The following CSMD1 variants were observed in gnomAD, a reference collection of about 807,000 sequenced individuals.
CSMD1 encodes CUB and sushi domain-containing protein 1.
CSMD1 carries 213 observed loss-of-function variants against 417.5 expected under a neutral mutation model. That is an observed-to-expected ratio of 0.51 (90% confidence interval 0.46 to 0.57). CSMD1 has a LOEUF of 0.57. Among genes scored for constraint, CSMD1 ranks in the 20% least tolerant of loss-of-function variants. CSMD1 has a pLI of 0.00. For missense variants in CSMD1, 6,923 were observed against 4,529.7 expected (o/e 1.53, Z -15.17); for synonymous variants, 2,862 against 1,736.8 (o/e 1.65, Z -16.11).
At chr8:4,152,398 G>A (rs1338906261) in intron 3 of CSMD1, among the ~76,000 whole-genome samples, 1 of 152,042 alleles carries the variant, frequency 6.6e-6, no homozygotes, top group East Asian at 1.9e-4. Context: ...CCTTACTTAG[G>A]CCAGGCACAG....
In CSMD1 at chr8:3,822,036, G is replaced by A. The variant is rs559146887; in HGVS notation, c.819-67994C>T. 8.5e-5 allele frequency among the ~76,000 whole-genome samples: 13 copies of A among 152,174 alleles called. No homozygotes were observed. The East Asian group carries it at 1.7e-3, about 20-fold the overall frequency. On this transcript the variant is annotated intron_variant, in intron 5 of 69. Transcript: ENST00000635120. ...ATCACAGTTCCTCAGAACACCATGC[G>A]GTCTGACATCTCTGCCTTTTGACCT...
chr8:3,160,904 A>G (rs1290796695), intron 38 of CSMD1, among the ~76,000 whole-genome samples: 1 of 152,212 alleles, frequency 6.6e-6, no homozygotes. Context: ...ATTCACTGCT[A>G]CACAATATTT....
intron 1 of CSMD1, among the ~76,000 whole-genome samples, chr8:4,646,283 T>A (rs907474557): frequency 6.6e-6 from 1 of 152,208 alleles, no homozygotes; most frequent in Non-Finnish European, 1.5e-5. Context: ...TATTTATTTA[T>A]CTCTTAATGA....
chr8:4,928,870 G>C (rs1025299088), intron 1 of CSMD1, among the ~76,000 whole-genome samples: 3 of 152,076 alleles, frequency 2.0e-5, no homozygotes, highest in Non-Finnish European at 4.4e-5. Context: ...GGGAGTTCGA[G>C]ACCAGCCTGC....
intron 3 of CSMD1, among the ~76,000 whole-genome samples, chr8:4,186,940 G>C (rs1290243787): frequency 6.6e-6 from 1 of 152,044 alleles, no homozygotes; most frequent in Non-Finnish European, 1.5e-5. Context: ...AGATTGCAGT[G>C]AGCTGCACTC....
At chr8:4,365,243 T>A (rs1199184825) in intron 3 of CSMD1, among the ~76,000 whole-genome samples, 2 of 152,206 alleles carry the variant, frequency 1.3e-5, no homozygotes, top group East Asian at 3.8e-4. Context: ...CTTAAGTAGT[T>A]TGGAATGTAA....
At chr8:3,050,914 G>A (rs1023155597) in intron 50 of CSMD1, among the ~76,000 whole-genome samples, 8 of 152,192 alleles carry the variant, frequency 5.3e-5, no homozygotes, top group South Asian at 2.1e-4. Context: ...TATCACTGGC[G>A]CAAAAATATC....
rs1194867937 is a variant in CSMD1 at position 4,217,061 on chromosome 8, G to A, written c.416-184962C>T. Reference sequence around the variant, plus strand: ...ATGCTAATGCATTAAATCAGGTAGTGTCCTGTGTCTGTTATACAATATAGT... The same window carrying A: ...ATGCTAATGCATTAAATCAGGTAGTATCCTGTGTCTGTTATACAATATAGT... On this transcript the variant is annotated intron_variant, in intron 3 of 69. Coordinates refer to ENST00000635120, the MANE Select transcript of CSMD1 (RefSeq NM_033225.6). Among the ~76,000 whole-genome samples the A allele has an allele frequency of 2.0e-5, 3 of 152,166 alleles. No homozygotes were observed. In the East Asian group the frequency reaches 5.8e-4, roughly 29 times the overall value.
intron 41 of CSMD1, among the ~76,000 whole-genome samples, chr8:3,139,256 G>A (rs570068480): frequency 6.6e-6 from 1 of 152,174 alleles, no homozygotes; most frequent in Non-Finnish European, 1.5e-5. Flanking sequence ...TTGAATCCAG[G>A]AGTTTGAATC....
intron 10 of CSMD1, among the ~76,000 whole-genome samples, chr8:3,540,794 C>A (rs999258577): frequency 6.6e-6 from 1 of 152,106 alleles, no homozygotes; most frequent in African/African-American, 2.4e-5. Context: ...CTCAACATCA[C>A]TGATAAGTAA....
intron 27 of CSMD1, among the ~76,000 whole-genome samples, chr8:3,227,044 G>C (rs1046303229): frequency 6.6e-6 from 1 of 152,074 alleles, no homozygotes; most frequent in Non-Finnish European, 1.5e-5. Context: ...GTGAGTCAGA[G>C]AAAACATTAA....
intron 7 of CSMD1, among the ~76,000 whole-genome samples, chr8:3,666,019 C>T (rs139846913): frequency 1.7e-4 from 26 of 152,196 alleles, no homozygotes; most frequent in African/African-American, 3.4e-4. Flanking sequence ...TCAGCCTCCA[C>T]GGAGTAGGTG....
At chr8:3,381,229 C>T (rs983914884) in intron 18 of CSMD1, among the ~76,000 whole-genome samples, 1 of 151,798 alleles carries the variant, frequency 6.6e-6, no homozygotes, top group Non-Finnish European at 1.5e-5. Context: ...AACAACTTGA[C>T]AAGCCCCATG....
intron 54 of CSMD1, among the ~76,000 whole-genome samples, chr8:2,989,639 T>A (rs1226575097): frequency 6.6e-6 from 1 of 152,252 alleles, no homozygotes; most frequent in Non-Finnish European, 1.5e-5. Flanking sequence ...TGGTATCTAG[T>A]GGACCAGAGA....
At chr8:3,721,676 G>C (rs542655428) in intron 6 of CSMD1, among the ~76,000 whole-genome samples, 2 of 152,114 alleles carry the variant, frequency 1.3e-5, no homozygotes, top group Non-Finnish European at 2.9e-5. Flanking sequence ...GGTTTTGGAA[G>C]AGCTTCTTTA....
intron 5 of CSMD1, among the ~76,000 whole-genome samples, chr8:3,757,971 A>C (rs1029528248): frequency 3.9e-5 from 6 of 152,110 alleles, no homozygotes; most frequent in African/African-American, 1.4e-4. Context: ...TCCTGCACAA[A>C]TTCCTTTTAT....
At chr8:4,317,634 A>T (rs1799012409) in intron 3 of CSMD1, among the ~76,000 whole-genome samples, 1 of 150,688 alleles carries the variant, frequency 6.6e-6, no homozygotes, top group South Asian at 2.1e-4. Flanking sequence ...AGAGAGAGAG[A>T]CAATTTTATT....
At position 3,277,414 on chromosome 8, in the gene CSMD1, A is replaced by AC. The variant is rs1230627072; in HGVS notation, c.4153+6729dup. On this transcript the variant is annotated intron_variant, in intron 26 of 69. Coordinates refer to ENST00000635120, the MANE Select transcript of CSMD1 (RefSeq NM_033225.6). The stretch of plus-strand genomic sequence containing the variant: ...CCGTGAGCAAGGCAGGGCAGCTCAG[A>AC]CCCCCAGCGGCGTAGACCAAGGCGG... Among the ~76,000 whole-genome samples the AC allele has an allele frequency of 3.3e-5, 5 of 152,188 alleles. No homozygotes were observed. The East Asian group carries it at 7.7e-4, about 24-fold the overall frequency.
chr8:4,843,782 T>C (rs1800973776), intron 1 of CSMD1, among the ~76,000 whole-genome samples: 2 of 152,176 alleles, frequency 1.3e-5, no homozygotes, highest in African/African-American at 2.4e-5. Flanking sequence ...AACGTATCCG[T>C]TGAATGAACA....
Sources: gnomAD v4.1 joint callset for allele counts (sites outside exome capture counted in the v4.1 genomes callset) on GRCh38, gnomAD v4.1.1 for gene constraint, MANE v1.5 for transcripts, NCBI Gene and HGNC (gene_info 2026-07-23, HGNC 2026-07-21) for gene names.